Variants in BBS9 observed in about 807,000 individuals in gnomAD.
BBS9 encodes the protein protein PTHB1.
In BBS9, 89 loss-of-function variants were observed where a neutral mutation model predicts 117.7. The ratio of observed to expected loss-of-function variants is 0.76; its 90% confidence interval spans 0.64 to 0.90. BBS9 has a LOEUF of 0.90. Ranked by LOEUF, BBS9 falls within the 40% of genes least tolerant of loss-of-function variation. The pLI is 0.00. For synonymous variants in BBS9, 379 were observed against 370.9 expected (o/e 1.02, Z -0.25); for missense variants, 982 against 1,042.2 (o/e 0.94, Z 0.80).
At chr7:33,183,127 C>T (rs921366200) in intron 5 of BBS9, among the ~76,000 whole-genome samples, 3 of 152,192 alleles carry the variant, frequency 2.0e-5, no homozygotes, top group Middle Eastern at 3.4e-3. Context: ...TTCTAATACC[C>T]CCAAAAGTAA....
intron 4 of BBS9, among the ~76,000 whole-genome samples, chr7:33,167,403 C>CTTTT (rs1202170784): frequency 7.5e-6 from 1 of 134,216 alleles, no homozygotes; most frequent in African/African-American, 2.7e-5. Flanking sequence ...TCTGAGAATT[C>CTTTT]TTTTTTTTTT....
At chr7:33,515,234 C>T (rs1272832230) in intron 20 of BBS9, among the ~76,000 whole-genome samples, 1 of 152,168 alleles carries the variant, frequency 6.6e-6, no homozygotes, top group Non-Finnish European at 1.5e-5. Flanking sequence ...TTTTATCATA[C>T]ATTACTCTTG....
chr7:33,581,014 A>G (rs1055934130), intron 21 of BBS9, among the ~76,000 whole-genome samples: 15 of 152,084 alleles, frequency 9.9e-5, no homozygotes, highest in Non-Finnish European at 2.9e-5. Flanking sequence ...GTCATTGGCC[A>G]TGGCCGTCAG....
intron 21 of BBS9, among the ~76,000 whole-genome samples, chr7:33,599,891 C>T (rs1240600737): frequency 6.6e-6 from 1 of 151,998 alleles, no homozygotes; most frequent in African/African-American, 2.4e-5. Flanking sequence ...TGAGGGGAAC[C>T]TAGACATCCT....
At position 33,635,620 on chromosome 7, in the gene BBS9, T is replaced by C. The variant is rs1185575674; in HGVS notation, c.*349T>C. 1.3e-5 allele frequency among the ~76,000 whole-genome samples: 2 copies of C among 152,260 alleles called. 1 individual carries two copies. The highest frequency in any genetic ancestry group is 4.8e-5 in the African/African-American group (2 of 41,478). On this transcript the variant is annotated 3_prime_UTR_variant, in exon 22 of 22. Transcript: ENST00000671952. ...CTGGAAAAATCCTCTGTGCTTTGAC[T>C]GACTCCAGGGTCTTCCTCCTTGAGG... is the stretch of plus-strand genomic sequence containing the variant.
At chr7:33,338,776 A>G (rs1176943251) in intron 10 of BBS9, among the ~76,000 whole-genome samples, 1 of 152,196 alleles carries the variant, frequency 6.6e-6, no homozygotes, top group Non-Finnish European at 1.5e-5. Flanking sequence ...TGTTACCAGT[A>G]GTCAACAACA....
chr7:33,569,526 C>T (rs1446497892), intron 21 of BBS9, among the ~76,000 whole-genome samples: 5 of 151,546 alleles, frequency 3.3e-5, no homozygotes, highest in African/African-American at 4.8e-5. Flanking sequence ...GAGGCCGAGG[C>T]GGGCAGATCA....
chr7:33,311,610 A>T (rs1241625449), intron 9 of BBS9, among the ~76,000 whole-genome samples: 4 of 152,180 alleles, frequency 2.6e-5, no homozygotes, highest in Non-Finnish European at 5.9e-5. Flanking sequence ...TGAGGTCAGG[A>T]GTTCGAGACC....
chr7:33,374,689 G>A (rs1036861834), intron 17 of BBS9, among the ~76,000 whole-genome samples: 3 of 152,012 alleles, frequency 2.0e-5, no homozygotes. Context: ...ATCACCTAAG[G>A]TCGGGAGTTA....
At chr7:33,488,306 A>T (rs1343344683) in intron 19 of BBS9, among the ~76,000 whole-genome samples, 4 of 150,822 alleles carry the variant, frequency 2.7e-5, no homozygotes, top group African/African-American at 9.8e-5. Context: ...CTCAGACCAG[A>T]AGTTCTGAGT....
At chr7:33,446,321 C>T (rs960162680) in intron 19 of BBS9, among the ~76,000 whole-genome samples, 1 of 152,064 alleles carries the variant, frequency 6.6e-6, no homozygotes, top group Non-Finnish European at 1.5e-5. Context: ...ATTCTTAGTC[C>T]ATAGTATTGC....
intron 19 of BBS9, among the ~76,000 whole-genome samples, chr7:33,493,049 C>T (rs1844231290): frequency 6.6e-6 from 1 of 152,054 alleles, no homozygotes; most frequent in Non-Finnish European, 1.5e-5. Flanking sequence ...GGCTGGAGTG[C>T]AGTGGTGCAT....
At chr7:33,535,181 A>G (rs1042580258) in intron 21 of BBS9, among the ~76,000 whole-genome samples, 1 of 152,192 alleles carries the variant, frequency 6.6e-6, no homozygotes, top group African/African-American at 2.4e-5. Context: ...CTTTTTATCC[A>G]TTACTACTTA....
intron 9 of BBS9, among the ~76,000 whole-genome samples, chr7:33,324,756 G>C (rs1459243650): frequency 6.6e-6 from 1 of 151,836 alleles, no homozygotes; most frequent in African/African-American, 2.4e-5. Flanking sequence ...ACTATTCTAG[G>C]AAAAAGTCTT....
chr7:33,133,910 A>G (rs1450105992), intron 1 of BBS9, among the ~76,000 whole-genome samples: 2 of 152,186 alleles, frequency 1.3e-5, no homozygotes, highest in African/African-American at 2.4e-5. Context: ...ATCGTTTTGC[A>G]TTCTCACTAG....
At chr7:33,617,062 G>A (rs942701043) in intron 21 of BBS9, among the ~76,000 whole-genome samples, 3 of 151,696 alleles carry the variant, frequency 2.0e-5, no homozygotes, top group African/African-American at 7.3e-5. Flanking sequence ...TTAAATAAAC[G>A]GGTAGTATTC....
intron 9 of BBS9, chr7:33,314,337 A>T (rs1809992340): frequency 2.5e-6 from 1 of 404,582 alleles, no homozygotes; most frequent in African/African-American, 2.1e-5. Flanking sequence ...TTGGGAGAGG[A>T]TATATCTGAA....
rs140416077 is a variant in BBS9, at chr7:33,212,157, C to T, written c.442+34566C>T. 9.3e-3 allele frequency among the ~76,000 whole-genome samples: 1,423 copies of T among 152,250 alleles called. 9 individuals are homozygous for T. Among genetic ancestry groups the T allele is most frequent in the Middle Eastern group, 0.017 (5 of 294 alleles). On this transcript the variant is annotated intron_variant, in intron 5 of 22. Coordinates refer to ENST00000242067, the MANE Select transcript of BBS9 (RefSeq NM_198428.3). ...TCTCTGTTATTATCTCTTTGCATAA[C>T]GTTTCTACCACCCCTCTCTACCTCC...
At chr7:33,224,850 T>C (rs1790943043) in intron 5 of BBS9, among the ~76,000 whole-genome samples, 1 of 152,256 alleles carries the variant, frequency 6.6e-6, no homozygotes, top group Non-Finnish European at 1.5e-5. Context: ...ACATGCTCCC[T>C]GGTTGTCTCT....
Sources: gnomAD v4.1 joint callset for allele counts (sites outside exome capture counted in the v4.1 genomes callset) on GRCh38, gnomAD v4.1.1 for gene constraint, MANE v1.5 for transcripts, NCBI Gene and HGNC (gene_info 2026-07-23, HGNC 2026-07-21) for gene names.